KNOP1: variants seen among roughly 807,000 people sequenced by gnomAD.
The protein encoded by KNOP1 is lysine rich nucleolar protein 1.
Under a neutral mutation model 30.6 loss-of-function variants are expected in KNOP1, and 20 were observed. That is an observed-to-expected ratio of 0.65 (90% CI 0.46 to 0.95). The LOEUF (loss-of-function observed/expected upper bound fraction) is 0.95, where lower values mean the gene tolerates loss of function less well. Ranked by LOEUF, KNOP1 falls within the 40% of genes least tolerant of loss-of-function variation. The pLI, the probability that KNOP1 is intolerant of heterozygous loss-of-function variation, is 0.00. For synonymous variants in KNOP1, 204 were observed against 210.0 expected (o/e 0.97, Z 0.25); for missense variants, 540 against 562.0 (o/e 0.96, Z 0.40).
chr16:19,710,261 G>C, intron 4 of KNOP1: 1 of 576,274 alleles, frequency 1.7e-6, no homozygotes, highest in South Asian at 2.0e-5. Flanking sequence ...GTCCAGGGCT[G>C]AGACAAAGGT....
rs548375553 is a variant in KNOP1, at chr16:19,704,759, A to T, written c.*2151T>A. 1 of 169,336 alleles carries T rather than the reference A, an allele frequency of 5.9e-6. No homozygotes were observed. The highest frequency in any genetic ancestry group is 1.6e-4 in the South Asian group (1 of 6,302). The allele number at this position is 169,336 out of a possible 1,614,324, so 10.5% of individuals were successfully genotyped here. A position where few individuals can be genotyped will look rare whatever the true frequency, so the allele number is the denominator to read the frequency against. On this transcript the variant is annotated 3_prime_UTR_variant, in exon 5 of 5. Coordinates refer to ENST00000219837, the MANE Select transcript of KNOP1 (RefSeq NM_001012991.3). ...CTTTCCACGGCCTCTCCCATTATGT[A>T]TCTCAAGGTTGAATCCAGGAAAGAA...
Position 19,706,832 on chromosome 16 carries a change from A to C in KNOP1, c.*78T>G, listed in dbSNP as rs191469959. 1.5e-4 allele frequency: 222 copies of C among 1,516,394 alleles called. 1 individual carries two copies. The East Asian group carries it at 4.7e-3, about 32-fold the overall frequency. 93.9% of individuals were successfully genotyped at this position (1,516,394 alleles called of 1,614,324 possible). Reference sequence around the variant, plus strand: ...CTCACCAAGATCTGATTTTTTCACAAAAAAAATTTGTAATCTCCAGCATAA... The same window carrying C: ...CTCACCAAGATCTGATTTTTTCACACAAAAAATTTGTAATCTCCAGCATAA... On this transcript the variant is annotated 3_prime_UTR_variant, in exon 5 of 5. Transcript: ENST00000219837.
Position 19,705,192 on chromosome 16 carries a change from A to G in KNOP1, c.*1718T>C. 2.2e-6 allele frequency: 1 copy of G among 456,040 alleles called. No homozygotes were observed. The highest frequency in any genetic ancestry group is 4.4e-6 in the Non-Finnish European group (1 of 226,794). The allele number at this position is 456,040 out of a possible 1,614,324, so 28.2% of individuals were successfully genotyped here. A position where few individuals can be genotyped will look rare whatever the true frequency, so the allele number is the denominator to read the frequency against. ...ATGAAGCCAACACTGGAGATGATGGAGAGAATGCTTCCTTGGCGAGCTGTT... is the reference window on the plus strand; with the variant it reads ...ATGAAGCCAACACTGGAGATGATGGGGAGAATGCTTCCTTGGCGAGCTGTT... On this transcript the variant is annotated 3_prime_UTR_variant, in exon 5 of 5. Coordinates refer to ENST00000219837, the MANE Select transcript of KNOP1 (RefSeq NM_001012991.3).
Position 19,705,701 on chromosome 16 carries a change from G to A in KNOP1, c.*1209C>T, listed in dbSNP as rs541082062. The A allele has an allele frequency of 5.7e-6, 1 of 175,324 alleles. No homozygotes were observed. The highest frequency in any genetic ancestry group is 6.0e-5 in the Admixed American group (1 of 16,688). 10.9% of individuals were successfully genotyped at this position (175,324 alleles called of 1,614,324 possible). On this transcript the variant is annotated 3_prime_UTR_variant, in exon 5 of 5. Transcript: ENST00000219837. Reference sequence around the variant, plus strand: ...GAGTCCAGGAGTTTGGGACTAGCCTGGACAATATAGTGAGACCCCATCTCT... The same window carrying A: ...GAGTCCAGGAGTTTGGGACTAGCCTAGACAATATAGTGAGACCCCATCTCT...
chr16:19,707,647 C>A, intron 4 of KNOP1, among the ~76,000 whole-genome samples: 1 of 135,132 alleles, frequency 7.4e-6, no homozygotes, highest in South Asian at 2.6e-4. Flanking sequence ...CCCCACCTCC[C>A]TACACAGTGC....
chr16:19,706,774 A>G lies in KNOP1; in HGVS notation c.*136T>C, dbSNP rs1597457807. On this transcript the variant is annotated 3_prime_UTR_variant, in exon 5 of 5. Transcript: ENST00000219837. ...GTTCCATTACTGGAACGCTAAGCTTATGGGAGTTATTTATATCTTACTGCT... is the reference window on the plus strand; with the variant it reads ...GTTCCATTACTGGAACGCTAAGCTTGTGGGAGTTATTTATATCTTACTGCT... 2 of 860,014 alleles carry G rather than the reference A, an allele frequency of 2.3e-6. No homozygotes were observed. The highest frequency in any genetic ancestry group is 4.9e-5 in the East Asian group (2 of 41,158). 53.3% of individuals were successfully genotyped at this position (860,014 alleles called of 1,614,324 possible).
Position 19,706,670 on chromosome 16 carries a change from A to T in KNOP1, c.*240T>A, listed in dbSNP as rs1597457666. 5 of 503,886 alleles carry T rather than the reference A, an allele frequency of 9.9e-6. No homozygotes were observed. Among genetic ancestry groups the T allele is most frequent in the Non-Finnish European group, 7.0e-6 (2 of 285,468 alleles). The allele number at this position is 503,886 out of a possible 1,614,324, so 31.2% of individuals were successfully genotyped here. Reference sequence around the variant, plus strand: ...CATCAATATAGTTGTCCTCGTCCTTAATCTCCACAGGTGTTCAATGTGAGC... The same window carrying T: ...CATCAATATAGTTGTCCTCGTCCTTTATCTCCACAGGTGTTCAATGTGAGC... On this transcript the variant is annotated 3_prime_UTR_variant, in exon 5 of 5. Coordinates refer to ENST00000219837, the MANE Select transcript of KNOP1 (RefSeq NM_001012991.3).
chr16:19,717,755 A>C (rs1430432354), intron 1 of KNOP1: 5 of 994,110 alleles, frequency 5.0e-6, no homozygotes, highest in East Asian at 1.1e-4. Flanking sequence ...GACTACAATA[A>C]TTCACTTGCC....
intron 4 of KNOP1, among the ~76,000 whole-genome samples, chr16:19,710,072 C>T (rs917557083): frequency 3.9e-5 from 6 of 152,160 alleles, no homozygotes; most frequent in African/African-American, 1.2e-4. Flanking sequence ...TTCTCAGGCC[C>T]GGCTTGGACA....
At chr16:19,708,043 C>T (rs1239910808) in intron 4 of KNOP1, among the ~76,000 whole-genome samples, 1 of 150,698 alleles carries the variant, frequency 6.6e-6, no homozygotes, top group African/African-American at 2.4e-5. Flanking sequence ...CCACAGGGCG[C>T]ACCTCCCCTG....
Position 19,706,547 on chromosome 16 carries a change from G to A in KNOP1, c.*363C>T, listed in dbSNP as rs1976359001. The A allele has an allele frequency of 3.8e-6, 1 of 266,532 alleles. No homozygotes were observed. The highest frequency in any genetic ancestry group is 7.2e-6 in the Non-Finnish European group (1 of 139,804). The allele number at this position is 266,532 out of a possible 1,614,324, so 16.5% of individuals were successfully genotyped here. On this transcript the variant is annotated 3_prime_UTR_variant, in exon 5 of 5. Transcript: ENST00000219837. ...ACTGTACATACTGATGTCTCAAACA[G>A]GGACGGAATGTTTAACACAGAAAAC...
chr16:19,716,999 C>A (rs1187082837), intron 1 of KNOP1, among the ~76,000 whole-genome samples: 1 of 152,154 alleles, frequency 6.6e-6, no homozygotes, highest in Non-Finnish European at 1.5e-5. Context: ...CATACCACCA[C>A]GCCCGGCTAA....
At chr16:19,708,096 C>G (rs1358632268) in intron 4 of KNOP1, among the ~76,000 whole-genome samples, 1 of 151,308 alleles carries the variant, frequency 6.6e-6, no homozygotes, top group Non-Finnish European at 1.5e-5. Context: ...GCGCACTCAC[C>G]CAGCAGCCTA....
At position 19,705,253 on chromosome 16, in the gene KNOP1, G is replaced by A. The variant is rs1416485522; in HGVS notation, c.*1657C>T. On this transcript the variant is annotated 3_prime_UTR_variant, in exon 5 of 5. Coordinates refer to ENST00000219837, the MANE Select transcript of KNOP1 (RefSeq NM_001012991.3). ...CTAATCAGGCCTTCCTGCCACGTGA[G>A]ACTGAACTTTCTGGCCATCGAGGCC... The A allele has an allele frequency of 8.8e-6, 4 of 455,960 alleles. No homozygotes were observed. Among genetic ancestry groups the A allele is most frequent in the African/African-American group, 2.0e-5 (1 of 50,066 alleles). The allele number at this position is 455,960 out of a possible 1,614,324, so 28.2% of individuals were successfully genotyped here. A position where few individuals can be genotyped will look rare whatever the true frequency, so the allele number is the denominator to read the frequency against.
Position 19,710,501 on chromosome 16 carries a change from A to G in KNOP1, c.1065+8T>C. On this transcript the variant is annotated splice_region_variant and intron_variant, in intron 4 of 4. Coordinates refer to ENST00000219837, the MANE Select transcript of KNOP1 (RefSeq NM_001012991.3). ...CACCTCCTCGCAGAGCCCTAGCCCC[A>G]AACTTACCGTCCACTTCCTGGTTTC... 6.2e-6 allele frequency: 10 copies of G among 1,613,176 alleles called. No individual in the cohort carries two copies. The highest frequency in any genetic ancestry group is 7.6e-6 in the Non-Finnish European group (9 of 1,179,992).
In KNOP1 at chr16:19,718,180, T is replaced by C. The variant is rs1977305523; in HGVS notation, c.-25A>G. Reference sequence around the variant, plus strand: ...CACCGGTGGGCGAAATTTCCCCGCCTCCACGTGAGAGCCAGCTCCGCCGTG... The same window carrying C: ...CACCGGTGGGCGAAATTTCCCCGCCCCCACGTGAGAGCCAGCTCCGCCGTG... On this transcript the variant is annotated 5_prime_UTR_variant, in exon 1 of 5. Coordinates refer to ENST00000219837, the MANE Select transcript of KNOP1 (RefSeq NM_001012991.3). 3 of 1,487,660 alleles carry C rather than the reference T, an allele frequency of 2.0e-6. No individual in the cohort carries two copies. The highest frequency in any genetic ancestry group is 2.7e-6 in the Non-Finnish European group (3 of 1,123,314). The allele number at this position is 1,487,660 out of a possible 1,614,324, so 92.2% of individuals were successfully genotyped here.
intron 1 of KNOP1, among the ~76,000 whole-genome samples, chr16:19,716,748 T>C: frequency 6.6e-6 from 1 of 152,236 alleles, no homozygotes; most frequent in Non-Finnish European, 1.5e-5. Flanking sequence ...CAGGAAGTTA[T>C]CTTGAGAGGG....
At chr16:19,716,173 C>T (rs899645100) in intron 1 of KNOP1, among the ~76,000 whole-genome samples, 11 of 152,178 alleles carry the variant, frequency 7.2e-5, no homozygotes, top group Non-Finnish European at 1.5e-4. Context: ...TTGCTGTCTG[C>T]CCTGTTTCCT....
chr16:19,710,392 G>T, intron 4 of KNOP1, 117 bp downstream of exon 4: 2 of 974,836 alleles, frequency 2.1e-6, no homozygotes, highest in East Asian at 2.4e-5. Flanking sequence ...GGCTAGGGCT[G>T]CCTCTGGGGC....
Sources: allele counts gnomAD v4.1 joint callset (sites outside exome capture counted in the v4.1 genomes callset), GRCh38; gene constraint gnomAD v4.1.1; transcripts MANE v1.5; gene names NCBI Gene and HGNC (gene_info 2026-07-23, HGNC 2026-07-21).